Variants in EYS observed in about 807,000 individuals in gnomAD.
EYS encodes the protein protein eyes shut homolog.
In EYS, 250 loss-of-function variants were observed where a neutral mutation model predicts 282.1. The observed-to-expected ratio is 0.89, with a 90% CI of 0.80 to 0.98. The LOEUF is 0.98. Ranked by LOEUF, EYS falls within the 50% of genes least tolerant of loss-of-function variation. The pLI, the probability that EYS is intolerant of heterozygous loss-of-function variation, is 0.00. For synonymous variants in EYS, 1,355 were observed against 1,282.9 expected, an observed-to-expected ratio of 1.06 and a Z score of -1.20; for missense variants, 4,016 against 3,709.0, an observed-to-expected ratio of 1.08 and a Z score of -2.15.
intron 37 of EYS, among the ~76,000 whole-genome samples, chr6:63,791,543 A>C (rs1322275166): frequency 6.8e-6 from 1 of 147,006 alleles, no homozygotes; most frequent in Non-Finnish European, 1.5e-5. Flanking sequence ...GTACCACTGC[A>C]CTCCAGCCTG....
At chr6:64,023,646 A>G (rs6920887) in intron 33 of EYS, among the ~76,000 whole-genome samples, 49,067 of 152,166 alleles carry the variant, frequency 0.32, 8,093 homozygotes, top group Middle Eastern at 0.38. Context: ...AGCTCTCGGC[A>G]CCTCCTTTGC....
At chr6:65,098,596 T>C (rs1012298037) in intron 12 of EYS, among the ~76,000 whole-genome samples, 3 of 150,932 alleles carry the variant, frequency 2.0e-5, no homozygotes, top group East Asian at 3.9e-4. Context: ...GGAAGCTAAA[T>C]GCCAGTTTTG....
chr6:64,193,891 A>G (rs971262217), intron 31 of EYS, among the ~76,000 whole-genome samples: 15 of 152,176 alleles, frequency 9.9e-5, no homozygotes, highest in African/African-American at 2.4e-5. Context: ...TTCTGAATCC[A>G]GTCTATCATT....
intron 22 of EYS, among the ~76,000 whole-genome samples, chr6:64,740,800 G>A (rs1193818807): frequency 3.4e-5 from 5 of 149,016 alleles, no homozygotes; most frequent in Non-Finnish European, 7.4e-5. Context: ...TGCAAGCTCC[G>A]CCTCCTGGGT....
chr6:65,362,980 A>T (rs1229254306), intron 8 of EYS, among the ~76,000 whole-genome samples: 2 of 152,120 alleles, frequency 1.3e-5, no homozygotes, highest in Non-Finnish European at 2.9e-5. Context: ...AGTCTCAAAG[A>T]ACCATGAAAA....
chr6:64,214,057 A>G (rs1765859761), intron 31 of EYS, among the ~76,000 whole-genome samples: 2 of 152,166 alleles, frequency 1.3e-5, no homozygotes, highest in Non-Finnish European at 2.9e-5. Flanking sequence ...AAAGTGAATT[A>G]TAAATCAACT....
chr6:64,231,062 C>T (rs1225629985), intron 30 of EYS, among the ~76,000 whole-genome samples: 1 of 151,122 alleles, frequency 6.6e-6, no homozygotes, highest in Non-Finnish European at 1.5e-5. Flanking sequence ...AAGAAATAAC[C>T]TTCATAAACT....
intron 19 of EYS, among the ~76,000 whole-genome samples, chr6:64,868,320 T>C (rs910150242): frequency 6.6e-6 from 1 of 151,426 alleles, no homozygotes; most frequent in Non-Finnish European, 1.5e-5. Context: ...ATTTTCATAG[T>C]GACAATTTTT....
chr6:65,267,275 G>T (rs1767782661), intron 12 of EYS, among the ~76,000 whole-genome samples: 2 of 151,680 alleles, frequency 1.3e-5, no homozygotes, highest in Non-Finnish European at 2.9e-5. Flanking sequence ...TTTCTTTTCA[G>T]ATTTTCTAGA....
intron 28 of EYS, among the ~76,000 whole-genome samples, chr6:64,430,912 TA>T (rs1167441923): frequency 6.6e-6 from 1 of 152,108 alleles, no homozygotes; most frequent in Admixed American, 6.6e-5. Flanking sequence ...TAAGGTTAAA[TA>T]AATGAACTTT....
intron 31 of EYS, among the ~76,000 whole-genome samples, chr6:64,199,019 C>T (rs1397922962): frequency 6.6e-6 from 1 of 152,168 alleles, no homozygotes; most frequent in Non-Finnish European, 1.5e-5. Flanking sequence ...GATCACCATT[C>T]TAACTGGCAT....
At chr6:64,689,351 GCT>G (rs1181351036) in intron 22 of EYS, among the ~76,000 whole-genome samples, 1 of 152,094 alleles carries the variant, frequency 6.6e-6, no homozygotes, top group Non-Finnish European at 1.5e-5. Context: ...AACATTCCAT[GCT>G]CTCAGATAGG....
chr6:64,164,284 AT>A (rs1351966832), intron 31 of EYS, among the ~76,000 whole-genome samples: 1 of 152,138 alleles, frequency 6.6e-6, no homozygotes, highest in Non-Finnish European at 1.5e-5. Context: ...TTGATAAAAT[AT>A]TTTTATAGCT....
chr6:63,981,814 T>G (rs1767110557), intron 35 of EYS, among the ~76,000 whole-genome samples: 1 of 151,882 alleles, frequency 6.6e-6, no homozygotes, highest in South Asian at 2.1e-4. Flanking sequence ...CCTGAAGAGC[T>G]GATAGAGCTT....
chr6:64,296,342 T>C (rs998487752), intron 30 of EYS, among the ~76,000 whole-genome samples: 2 of 152,166 alleles, frequency 1.3e-5, no homozygotes, highest in African/African-American at 2.4e-5. Context: ...TGTTTGCTGA[T>C]ACATATAACA....
rs561663918 is a variant in EYS, at chr6:65,463,830, G to A, written c.862+26764C>T. 3.2e-3 allele frequency among the ~76,000 whole-genome samples: 492 copies of A among 152,178 alleles called. 3 individuals carry two copies. The highest frequency in any genetic ancestry group is 5.0e-3 in the Non-Finnish European group (342 of 68,008). Reference sequence around the variant, plus strand: ...TCCATTATTGGAGTGCTAAGCATGTGGGAGTTATTTGTATTCTATTGCTCA... The same window carrying A: ...TCCATTATTGGAGTGCTAAGCATGTAGGAGTTATTTGTATTCTATTGCTCA... On this transcript the variant is annotated intron_variant, in intron 5 of 42. Transcript: ENST00000503581.
chr6:65,244,703 T>C (rs1422326671), intron 12 of EYS, among the ~76,000 whole-genome samples: 2 of 138,062 alleles, frequency 1.4e-5, no homozygotes, highest in South Asian at 2.3e-4. Context: ...TTTTTTTTTT[T>C]AGTAGAGACG....
chr6:65,216,408 C>T (rs1388596557), intron 12 of EYS, among the ~76,000 whole-genome samples: 2 of 151,680 alleles, frequency 1.3e-5, no homozygotes, highest in African/African-American at 4.8e-5. Flanking sequence ...GTTTATAATC[C>T]ATGCTATAAA....
At position 65,584,618 on chromosome 6, in the gene EYS, C is replaced by T. The variant is rs148366978; in HGVS notation, c.-333+55160G>A. 8.0e-4 allele frequency among the ~76,000 whole-genome samples: 121 copies of T among 151,946 alleles called. 2 individuals are homozygous for T. The highest frequency in any genetic ancestry group is 2.6e-3 in the African/African-American group (109 of 41,498). On this transcript the variant is annotated intron_variant, in intron 2 of 42. Coordinates refer to ENST00000503581, the MANE Select transcript of EYS (RefSeq NM_001142800.2). ...AAATACCTTCAAACGAATCATTTTTCTTTGAAAATACTACGCTAAGGCTAA... is the reference window on the plus strand; with the variant it reads ...AAATACCTTCAAACGAATCATTTTTTTTTGAAAATACTACGCTAAGGCTAA...
Sources: gnomAD v4.1 joint callset for allele counts (sites outside exome capture counted in the v4.1 genomes callset) on GRCh38, gnomAD v4.1.1 for gene constraint, MANE v1.5 for transcripts, NCBI Gene and HGNC (gene_info 2026-07-23, HGNC 2026-07-21) for gene names.